LMNTD2: variants seen among roughly 807,000 people sequenced by gnomAD.
LMNTD2 encodes lamin tail domain containing 2.
A neutral mutation model predicts 70.1 loss-of-function variants in LMNTD2; 83 were observed. The ratio of observed to expected loss-of-function variants is 1.18; its 90% CI spans 0.99 to 1.42. LMNTD2 has a LOEUF of 1.42. LMNTD2 is among the 40% of genes most tolerant of loss of function. LMNTD2 has a pLI of 0.00. For synonymous variants in LMNTD2, 534 were observed against 406.1 expected (o/e 1.31, Z -3.79); for missense variants, 1,153 against 905.9 (o/e 1.27, Z -3.50).
At position 556,207 on chromosome 11, in the gene LMNTD2, C is replaced by CG. The variant is rs1351831204; in HGVS notation, c.1241dup (p.Arg415AlafsTer49). 1.4e-6 allele frequency: 2 copies of CG among 1,441,418 alleles called. No individual in the cohort carries two copies. Among genetic ancestry groups the CG allele is most frequent in the Non-Finnish European group, 1.8e-6 (2 of 1,103,652 alleles). The allele number at this position is 1,441,418 out of a possible 1,614,324, so 89.3% of individuals were successfully genotyped here. A position where few individuals can be genotyped will look rare whatever the true frequency, so the allele number is the denominator to read the frequency against. ...CGGGGCGCACCGTGACGTGGTGCCG[C>CG]GGGGCCAGCAGCGTGCCCGGCGGGA... On this transcript the variant is annotated frameshift_variant, in exon 10 of 14. Coordinates refer to ENST00000329451, the MANE Select transcript of LMNTD2 (RefSeq NM_173573.3). LOFTEE classifies it high-confidence loss of function.
chr11:555,363 G>A lies in LMNTD2; in HGVS notation c.1715C>T (p.Pro572Leu), dbSNP rs1249276398. The change falls in exon 13 of 14, where the codon CCC (proline) becomes CTC (leucine). Residue 572 changes from proline (P) to leucine (L), a missense_variant. Physicochemically the swap from Pro to Leu is moderately conservative, Grantham distance 98 (BLOSUM62 -3). Transcript: ENST00000329451. ...CTCCAGGCCCAGCCCGGCCTCTGCGGGAGGCGACGGCAGGGTGGGGTCACC... is the reference window on the plus strand; with the variant it reads ...CTCCAGGCCCAGCCCGGCCTCTGCGAGAGGCGACGGCAGGGTGGGGTCACC... The part of the protein sequence containing the change: ...IPGDPTLPSP[P>L]AEAGLGLEDC... 2 of 1,419,506 alleles carry A rather than the reference G, an allele frequency of 1.4e-6. No individual in the cohort carries two copies. The highest frequency in any genetic ancestry group is 1.8e-6 in the Non-Finnish European group (2 of 1,089,762). The allele number at this position is 1,419,506 out of a possible 1,614,324, so 87.9% of individuals were successfully genotyped here.
intron 12 of LMNTD2, 108 bp from the exon 13 acceptor site, chr11:555,611 G>C: frequency 1.6e-6 from 2 of 1,253,870 alleles, no homozygotes; most frequent in South Asian, 3.9e-5. Flanking sequence ...GGAGGACCAG[G>C]GGGCGGCCGG....
intron 5 of LMNTD2, 56 bp from the exon 6 acceptor site, chr11:557,696 C>T (rs1423958348): frequency 1.1e-5 from 17 of 1,611,794 alleles, no homozygotes; most frequent in Non-Finnish European, 1.4e-5. Context: ...CCTACAGCAC[C>T]TCTCCTCTTT....
At chr11:559,673 G>T in intron 1 of LMNTD2, 1 of 1,170,442 alleles carries the variant, frequency 8.5e-7, no homozygotes, top group Non-Finnish European at 1.1e-6. Context: ...GTGTGTGGGG[G>T]AAGCAGACAG....
chr11:555,807 T>C lies in LMNTD2; in HGVS notation c.1501A>G (p.Lys501Glu). The change falls in exon 12 of 14, where the codon AAG becomes GAG. Residue 501 changes from lysine (K) to glutamate (E), a missense_variant. Coordinates refer to ENST00000329451, the MANE Select transcript of LMNTD2 (RefSeq NM_173573.3). ...AGGGGTCGAGGTGGGCGCGGCGGCTTGCGGGTGTCGGCGCCGGGCCCGGCC... is the reference window on the plus strand; with the variant it reads ...AGGGGTCGAGGTGGGCGCGGCGGCTCGCGGGTGTCGGCGCCGGGCCCGGCC... ...PEAGPGADTR[K>E]PPRPPRPLRK... 1 of 1,526,150 alleles carries C rather than the reference T, an allele frequency of 6.6e-7. No individual in the cohort carries two copies. The highest frequency in any genetic ancestry group is 8.7e-7 in the Non-Finnish European group (1 of 1,148,376). 94.5% of individuals were successfully genotyped at this position (1,526,150 alleles called of 1,614,324 possible).
rs12280283 is a variant in LMNTD2, at chr11:554,968, A to G, written c.*12T>C. 0.1 allele frequency: 160,125 copies of G among 1,542,126 alleles called. 8,880 individuals carry two copies. Among genetic ancestry groups the G allele is most frequent in the Non-Finnish European group, 0.11 (129,897 of 1,148,402 alleles). On this transcript the variant is annotated 3_prime_UTR_variant, in exon 14 of 14. Transcript: ENST00000329451. The stretch of plus-strand genomic sequence containing the variant: ...CGCCCTCCCTCGCGGTCCCGGCCCC[A>G]CTCCTCCGCCCCTAGGCGCCGCGGC...
At chr11:557,149 GC>G in intron 7 of LMNTD2, 52 bp from the exon 8 acceptor site, 2 of 1,516,660 alleles carry the variant, frequency 1.3e-6, no homozygotes, top group Non-Finnish European at 8.9e-7. Context: ...CCCCAGCCCT[GC>G]CCCCGTCCAG....
At chr11:560,308 C>G (rs1376343696) in intron 1 of LMNTD2, 17 of 1,069,074 alleles carry the variant, frequency 1.6e-5, no homozygotes, top group Non-Finnish European at 1.8e-5. Flanking sequence ...TTCCAGCCAG[C>G]TTCACTGTGT....
chr11:559,707 G>A, intron 1 of LMNTD2: 2 of 1,142,986 alleles, frequency 1.7e-6, no homozygotes, highest in South Asian at 1.9e-5. Flanking sequence ...GCTGGGGACT[G>A]TGCTGAACGC....
In LMNTD2 at chr11:558,924, G is replaced by A. The variant is rs760684126; in HGVS notation, c.90C>T (p.Pro30=). Residue 30 remains proline, a synonymous_variant, in exon 2 of 14, where the codon CCC becomes CCT. Transcript: ENST00000329451. ...LGPPAGAPAA[P]ETPTCLPDTT... is the part of the protein sequence containing the mutation. ...TGTCTGGCAGGCACGTGGGAGTCTC[G>A]GGGGCTGCAGGTGCGCCTGCTGGAG... 5.3e-5 allele frequency: 86 copies of A among 1,608,184 alleles called. No individual in the cohort carries two copies. The highest frequency in any genetic ancestry group is 6.7e-5 in the Admixed American group (4 of 60,022).
Position 556,297 on chromosome 11 carries a change from C to A in LMNTD2, c.1152G>T (p.Thr384=). Residue 384 remains threonine, a synonymous_variant, in exon 10 of 14, where the codon ACG becomes ACT. Transcript: ENST00000329451. ...TCAGCACCATGCCGCTCAGGTCGGC[C>A]GTGCTCTCCTGCGACGGGTTGAAGA... ...VRIFNPSQES[T]ADLSGMVLKQ... 1 of 1,535,580 alleles carries A rather than the reference C, an allele frequency of 6.5e-7. No individual in the cohort carries two copies. The highest frequency in any genetic ancestry group is 1.2e-5 in the South Asian group (1 of 84,046).
chr11:555,333 C>G lies in LMNTD2; in HGVS notation c.1745G>C (p.Cys582Ser), dbSNP rs756337165. Residue 582 changes from cysteine (C) to serine (S), a missense_variant, in exon 13 of 14, where the codon TGT (cysteine) becomes TCT (serine). Coordinates refer to ENST00000329451, the MANE Select transcript of LMNTD2 (RefSeq NM_173573.3). Reference sequence around the variant, plus strand: ...AACTCGGTGTTCTTTCTGGAGCCGACAGTCCTCCAGGCCCAGCCCGGCCTC... The same window carrying G: ...AACTCGGTGTTCTTTCTGGAGCCGAGAGTCCTCCAGGCCCAGCCCGGCCTC... ...PAEAGLGLEDCRLQKEHRVRV... is the reference protein window; with the variant it reads ...PAEAGLGLEDSRLQKEHRVRV... 21 of 1,423,188 alleles carry G rather than the reference C, an allele frequency of 1.5e-5. No homozygotes were observed. The highest frequency in any genetic ancestry group is 1.9e-5 in the Non-Finnish European group (21 of 1,091,132). The allele number at this position is 1,423,188 out of a possible 1,614,324, so 88.2% of individuals were successfully genotyped here. A position where few individuals can be genotyped will look rare whatever the true frequency, so the allele number is the denominator to read the frequency against.
intron 1 of LMNTD2, chr11:559,647 C>T: frequency 1.7e-6 from 2 of 1,179,774 alleles, no homozygotes; most frequent in Non-Finnish European, 2.1e-6. Context: ...TGTGAGCCAG[C>T]CCAGCATAGC....
At chr11:558,788 C>T (rs1853073204) in intron 2 of LMNTD2, 22 bp from the exon 3 acceptor site, 1 of 1,600,380 alleles carries the variant, frequency 6.2e-7, no homozygotes, top group Non-Finnish European at 8.5e-7. Flanking sequence ...GCAGACCCTG[C>T]TGCTTACTCA....
intron 1 of LMNTD2, chr11:559,672 G>C: frequency 8.5e-7 from 1 of 1,170,122 alleles, no homozygotes; most frequent in Non-Finnish European, 1.1e-6. Flanking sequence ...GGTGTGTGGG[G>C]GAAGCAGACA....
chr11:555,669 G>A, intron 12 of LMNTD2, 65 bp downstream of exon 12: 1 of 1,338,392 alleles, frequency 7.5e-7, no homozygotes, highest in South Asian at 1.7e-5. Context: ...GGGATACGAG[G>A]GACCGTTTCT....
At chr11:560,371 T>G in intron 1 of LMNTD2, 1 of 1,189,518 alleles carries the variant, frequency 8.4e-7, no homozygotes, top group Middle Eastern at 3.3e-4. Flanking sequence ...GAGAAGAGCC[T>G]CAGCTAGAGT....
intron 13 of LMNTD2, 56 bp downstream of exon 13, chr11:555,249 G>A (rs1030835143): frequency 2.0e-5 from 25 of 1,273,388 alleles, no homozygotes; most frequent in African/African-American, 1.5e-4. Context: ...GGCGGGAGAG[G>A]AGAGGAGGAG....
Position 560,691 on chromosome 11 carries a change from C to G in LMNTD2, c.26G>C (p.Arg9Thr). 6.9e-7 allele frequency: 1 copy of G among 1,440,674 alleles called. No homozygotes were observed. 89.2% of individuals were successfully genotyped at this position (1,440,674 alleles called of 1,614,324 possible). Residue 9 changes from arginine to threonine, a missense_variant, in exon 1 of 14, where the codon AGG becomes ACG. Physicochemically the swap from Arg to Thr is moderately conservative, Grantham distance 71. Coordinates refer to ENST00000329451, the MANE Select transcript of LMNTD2 (RefSeq NM_173573.3). The stretch of plus-strand genomic sequence containing the variant: ...CGGGGCCAGACACCTACCCCGACGC[C>G]TGCCCGCGGGCCGCAGCCACCGCAT... MRWLRPAGRRREQESVSGH... is the reference protein window; with the variant it reads MRWLRPAGTRREQESVSGH...
Sources: allele counts gnomAD v4.1 joint callset, GRCh38; gene constraint gnomAD v4.1.1; transcripts MANE v1.5; gene names NCBI Gene and HGNC (gene_info 2026-07-23, HGNC 2026-07-21).